The following FMN1 variants were observed in gnomAD, a reference collection of about 807,000 sequenced individuals.
The protein encoded by FMN1 is formin-1.
A neutral mutation model predicts 132.4 loss-of-function variants in FMN1; 110 were observed. The ratio of observed to expected loss-of-function variants is 0.83; its 90% CI spans 0.71 to 0.97. The LOEUF is 0.97. Among genes scored for constraint, FMN1 ranks in the 50% least tolerant of loss-of-function variants. The probability of loss-of-function intolerance (pLI) is 0.00; values close to 1 mark genes in which losing one functional copy is unlikely to be tolerated. For synonymous variants in FMN1, 722 were observed against 651.7 expected (o/e 1.11, Z -1.64); for missense variants, 1,792 against 1,705.3 (o/e 1.05, Z -0.90).
chr15:32,951,474 TA>T (rs1296864561), intron 9 of FMN1, among the ~76,000 whole-genome samples: 1 of 150,926 alleles, frequency 6.6e-6, no homozygotes, highest in East Asian at 1.9e-4. Context: ...CACACACAAA[TA>T]GGGGAAATGG....
intron 7 of FMN1, among the ~76,000 whole-genome samples, chr15:32,973,503 A>G (rs1287460731): frequency 6.6e-6 from 1 of 152,200 alleles, no homozygotes; most frequent in Non-Finnish European, 1.5e-5. Context: ...CATGTACCAT[A>G]CACCAATATG....
chr15:33,014,517 C>T (rs1050161182), intron 6 of FMN1, among the ~76,000 whole-genome samples: 3 of 152,130 alleles, frequency 2.0e-5, no homozygotes, highest in Non-Finnish European at 4.4e-5. Flanking sequence ...GTTAATAAAT[C>T]AATTTAAATA....
At chr15:33,022,756 G>A (rs2035473524) in intron 6 of FMN1, among the ~76,000 whole-genome samples, 1 of 126,454 alleles carries the variant, frequency 7.9e-6, no homozygotes, top group African/African-American at 2.8e-5. Flanking sequence ...TTACTGCAGA[G>A]TAACAGGGAC....
intron 4 of FMN1, among the ~76,000 whole-genome samples, chr15:33,141,088 T>A (rs1595558425): frequency 6.6e-6 from 1 of 152,184 alleles, no homozygotes; most frequent in East Asian, 1.9e-4. Flanking sequence ...TACAAATATC[T>A]CCTCCCAGCT....
intron 8 of FMN1, among the ~76,000 whole-genome samples, chr15:32,968,049 C>A (rs534543789): frequency 6.6e-6 from 1 of 152,308 alleles, no homozygotes; most frequent in Admixed American, 6.5e-5. Flanking sequence ...TTTACAAACC[C>A]AGCTTAACAA....
chr15:33,005,199 A>T lies in FMN1; in HGVS notation c.2223+2815T>A, dbSNP rs79718448. On this transcript the variant is annotated intron_variant, in intron 7 of 20. Coordinates refer to ENST00000616417, the MANE Select transcript of FMN1 (RefSeq NM_001277313.2). The stretch of plus-strand genomic sequence containing the variant: ...AAACTTAAAGTATAATAATAATATT[A>T]AAAAAAAAAAACTACAGCTAAGTGT... Among the ~76,000 whole-genome samples, 27 of 134,630 alleles carry T rather than the reference A, an allele frequency of 2.0e-4. No homozygotes were observed. In the East Asian group the frequency reaches 4.4e-3, roughly 22 times the overall value. The allele number at this position is 134,630 out of a possible 152,430, so 88.3% of individuals were successfully genotyped here.
At chr15:33,066,509 A>G in intron 5 of FMN1, 4 of 1,522,148 alleles carry the variant, frequency 2.6e-6, no homozygotes, top group Non-Finnish European at 3.5e-6. Flanking sequence ...AATTCTACAT[A>G]CACTTTTGGA....
intron 11 of FMN1, 62 bp downstream of exon 11, chr15:32,910,412 A>T (rs2060529850): frequency 1.7e-5 from 22 of 1,297,254 alleles, no homozygotes; most frequent in Non-Finnish European, 2.4e-5. Flanking sequence ...TGAACAGCTC[A>T]GTCATTTCTC....
intron 4 of FMN1, among the ~76,000 whole-genome samples, chr15:33,110,413 A>C (rs1040694673): frequency 6.6e-6 from 1 of 152,114 alleles, no homozygotes; most frequent in Admixed American, 6.6e-5. Context: ...ACTGGAAATA[A>C]ATGTAAATTT....
chr15:32,896,890 T>C lies in FMN1; in HGVS notation c.3714+1944A>G, dbSNP rs144392733. Among the ~76,000 whole-genome samples, 300 of 150,362 alleles carry C rather than the reference T, an allele frequency of 2.0e-3. 2 individuals carry two copies. Among genetic ancestry groups the C allele is most frequent in the African/African-American group, 7.3e-3 (289 of 39,742 alleles). ...ATGAATATGAGAGGGAAAATGTCTC[T>C]TTGAGATCCTGGTTTCAATTCTTTT... On this transcript the variant is annotated intron_variant, in intron 15 of 20. Coordinates refer to ENST00000616417, the MANE Select transcript of FMN1 (RefSeq NM_001277313.2).
At chr15:32,895,247 T>A (rs79926794) in intron 15 of FMN1, among the ~76,000 whole-genome samples, 3,377 of 151,836 alleles carry the variant, frequency 0.022, 69 homozygotes, top group East Asian at 0.11. Context: ...TATGCATGTG[T>A]GAGATGCGCC....
chr15:33,125,717 A>AG (rs1962995890), intron 4 of FMN1, among the ~76,000 whole-genome samples: 1 of 151,192 alleles, frequency 6.6e-6, no homozygotes, highest in Admixed American at 6.6e-5. Flanking sequence ...AAAAAAAAAA[A>AG]AATTAAGAAT....
At chr15:32,920,761 G>A (rs1434017354) in intron 10 of FMN1, among the ~76,000 whole-genome samples, 3 of 152,192 alleles carry the variant, frequency 2.0e-5, no homozygotes, top group African/African-American at 7.2e-5. Flanking sequence ...CCAAGGTACA[G>A]CCAAAAGTCT....
At chr15:32,974,199 A>G (rs1026697311) in intron 7 of FMN1, among the ~76,000 whole-genome samples, 1 of 152,230 alleles carries the variant, frequency 6.6e-6, no homozygotes, top group Admixed American at 6.5e-5. Flanking sequence ...TAGGACATAT[A>G]AAGAAAGTCT....
At chr15:33,050,884 G>A (rs1307144938) in intron 6 of FMN1, among the ~76,000 whole-genome samples, 1 of 152,232 alleles carries the variant, frequency 6.6e-6, no homozygotes, top group Non-Finnish European at 1.5e-5. Flanking sequence ...AAAATAATGA[G>A]GAAGAGGGAG....
At chr15:33,060,557 T>C (rs1006583503) in intron 6 of FMN1, among the ~76,000 whole-genome samples, 1 of 152,200 alleles carries the variant, frequency 6.6e-6, no homozygotes, top group Non-Finnish European at 1.5e-5. Context: ...AGGAAAGATG[T>C]GTCTGCTGGA....
At chr15:33,044,988 T>G (rs1455956585) in intron 6 of FMN1, among the ~76,000 whole-genome samples, 1 of 152,134 alleles carries the variant, frequency 6.6e-6, no homozygotes, top group Non-Finnish European at 1.5e-5. Context: ...CTTGCCACAT[T>G]GTGGGTGACA....
intron 4 of FMN1, among the ~76,000 whole-genome samples, chr15:33,112,750 C>T (rs1365121862): frequency 1.3e-5 from 2 of 152,124 alleles, no homozygotes; most frequent in Non-Finnish European, 2.9e-5. Flanking sequence ...AGGATATTTT[C>T]CCTGTTCTGC....
At chr15:32,987,062 T>C (rs750993983) in intron 7 of FMN1, among the ~76,000 whole-genome samples, 4 of 152,156 alleles carry the variant, frequency 2.6e-5, no homozygotes, top group Non-Finnish European at 5.9e-5. Context: ...GCTACATTTT[T>C]TTCTCCCAGG....
Sources: allele counts gnomAD v4.1 joint callset (sites outside exome capture counted in the v4.1 genomes callset), GRCh38; gene constraint gnomAD v4.1.1; transcripts MANE v1.5; gene names NCBI Gene and HGNC (gene_info 2026-07-23, HGNC 2026-07-21).